The following GULP1 variants were observed in gnomAD, a reference collection of about 807,000 sequenced individuals.
GULP1 encodes the protein PTB domain-containing engulfment adapter protein 1.
A neutral mutation model predicts 40.9 loss-of-function variants in GULP1; 19 were observed. The ratio of observed to expected loss-of-function variants is 0.46; its 90% confidence interval spans 0.32 to 0.68. The LOEUF is 0.68. Ranked by LOEUF, GULP1 falls within the 30% of genes least tolerant of loss-of-function variation. The probability of loss-of-function intolerance (pLI) is 0.03; values close to 1 mark genes in which losing one functional copy is unlikely to be tolerated. For missense variants in GULP1, 312 were observed against 362.2 expected, an observed-to-expected ratio of 0.86 and a Z score of 1.12; for synonymous variants, 119 against 117.6, an observed-to-expected ratio of 1.01 and a Z score of -0.08.
chr2:188,394,207 C>T (rs1559188014), intron 2 of GULP1, among the ~76,000 whole-genome samples: 1 of 152,174 alleles, frequency 6.6e-6, no homozygotes, highest in South Asian at 2.1e-4. Flanking sequence ...TTCTTACAGA[C>T]ATTATTCATT....
At chr2:188,379,817 C>T (rs1319204800) in intron 1 of GULP1, among the ~76,000 whole-genome samples, 1 of 152,106 alleles carries the variant, frequency 6.6e-6, no homozygotes, top group Non-Finnish European at 1.5e-5. Context: ...TTGAAGATGG[C>T]GTGTTCGTTC....
intron 2 of GULP1, among the ~76,000 whole-genome samples, chr2:188,419,461 A>G (rs934365031): frequency 6.6e-6 from 1 of 151,986 alleles, no homozygotes; most frequent in Admixed American, 6.6e-5. Flanking sequence ...AGTGATGCTG[A>G]GAACCTTTTC....
At chr2:188,588,649 A>T (rs1343907209) in intron 11 of GULP1, 2 of 152,328 alleles carry the variant, frequency 1.3e-5, no homozygotes, top group African/African-American at 2.4e-5. Flanking sequence ...TTCATCAAAA[A>T]GTTTATATAT....
intron 2 of GULP1, among the ~76,000 whole-genome samples, chr2:188,390,283 T>C (rs868732658): frequency 2.6e-5 from 4 of 152,316 alleles, no homozygotes; most frequent in Middle Eastern, 3.4e-3. Flanking sequence ...CCAAATCTAT[T>C]ATTGTCTTTT....
Position 188,545,080 on chromosome 2 carries a change from A to G in GULP1, c.399+3762A>G, listed in dbSNP as rs188013103. Among the ~76,000 whole-genome samples the G allele has an allele frequency of 2.7e-4, 41 of 152,170 alleles. No homozygotes were observed. In the East Asian group the frequency reaches 7.1e-3, roughly 27 times the overall value. ...GAAGGCAAGAAGGAAGTTGCATAAT[A>G]CTTTTTGAGTAATGGAAAAAACAAA... On this transcript the variant is annotated intron_variant, in intron 7 of 11. Coordinates refer to ENST00000409830, the MANE Select transcript of GULP1 (RefSeq NM_016315.4).
At chr2:188,537,502 G>A (rs1057125281) in intron 6 of GULP1, among the ~76,000 whole-genome samples, 22 of 152,136 alleles carry the variant, frequency 1.4e-4, no homozygotes, top group Non-Finnish European at 1.8e-4. Context: ...ATTCGCATAC[G>A]TTGAACAAAC....
intron 2 of GULP1, among the ~76,000 whole-genome samples, chr2:188,458,668 A>C (rs1575394490): frequency 6.6e-6 from 1 of 152,312 alleles, no homozygotes; most frequent in Non-Finnish European, 1.5e-5. Context: ...ATTTATTCTT[A>C]GTGTTAGAAA....
rs371577085 is a variant in GULP1 at position 188,557,389 on chromosome 2, G to A, written c.400-11850G>A. The stretch of plus-strand genomic sequence containing the variant: ...CTGGGTAAACATTCCCATTCCAAAA[G>A]GGAGAAATTGGCCAAAAGAAAGGAG... On this transcript the variant is annotated intron_variant, in intron 7 of 11. Transcript: ENST00000409830. 2.6e-4 allele frequency among the ~76,000 whole-genome samples: 40 copies of A among 152,280 alleles called. 1 individual carries two copies. Among genetic ancestry groups the A allele is most frequent in the African/African-American group, 9.4e-4 (39 of 41,558 alleles).
chr2:188,437,760 A>T (rs2057545704), intron 2 of GULP1, among the ~76,000 whole-genome samples: 1 of 152,130 alleles, frequency 6.6e-6, no homozygotes, highest in Non-Finnish European at 1.5e-5. Flanking sequence ...AAGGAAGATC[A>T]TGTCTTTTGG....
intron 7 of GULP1, among the ~76,000 whole-genome samples, chr2:188,561,686 C>T (rs1242382633): frequency 6.6e-6 from 1 of 152,156 alleles, no homozygotes; most frequent in Non-Finnish European, 1.5e-5. Context: ...TGGCAGAATG[C>T]ATGAGTGAGG....
intron 1 of GULP1, chr2:188,293,251 A>G (rs368033880): frequency 6.6e-6 from 1 of 152,094 alleles, no homozygotes; most frequent in African/African-American, 2.4e-5. Context: ...AGCTCGCCTT[A>G]CTCATTTGCA....
At chr2:188,501,953 G>A (rs1188004463) in intron 4 of GULP1, among the ~76,000 whole-genome samples, 3 of 151,732 alleles carry the variant, frequency 2.0e-5, no homozygotes, top group South Asian at 2.1e-4. Flanking sequence ...AACACTTTTT[G>A]TGTTTTTACC....
rs753583830 is a variant in GULP1 at position 188,587,885 on chromosome 2, A to G, written c.779A>G (p.Asp260Gly). 1 of 1,609,842 alleles carries G rather than the reference A, an allele frequency of 6.2e-7. No individual in the cohort carries two copies. The highest frequency in any genetic ancestry group is 1.1e-5 in the South Asian group (1 of 90,980). Reference protein sequence around the residue: ...KRDLFGAEPFDPFNCGAADFP... With the variant: ...KRDLFGAEPFGPFNCGAADFP... ...GACCTGTTTGGAGCAGAACCTTTTGACCCATTTAACTGTGGAGCAGCAGAT... is the reference window on the plus strand; with the variant it reads ...GACCTGTTTGGAGCAGAACCTTTTGGCCCATTTAACTGTGGAGCAGCAGAT... Residue 260 changes from aspartate to glycine, a missense_variant, in exon 11 of 12, where the codon GAC becomes GGC. Asp to Gly is a moderately conservative substitution (Grantham distance 94, BLOSUM62 -1). Transcript: ENST00000409830.
chr2:188,425,316 C>T (rs1031630154), intron 2 of GULP1, among the ~76,000 whole-genome samples: 1 of 152,046 alleles, frequency 6.6e-6, no homozygotes, highest in African/African-American at 2.4e-5. Context: ...ACATACTTGA[C>T]ATATTTCAAC....
intron 6 of GULP1, among the ~76,000 whole-genome samples, chr2:188,529,928 G>T (rs970033144): frequency 6.6e-6 from 1 of 152,180 alleles, no homozygotes; most frequent in Non-Finnish European, 1.5e-5. Flanking sequence ...AATGATTCAT[G>T]AATCAGGCAG....
At chr2:188,581,512 C>G (rs1701325085) in intron 9 of GULP1, among the ~76,000 whole-genome samples, 2 of 152,172 alleles carry the variant, frequency 1.3e-5, no homozygotes, top group African/African-American at 4.8e-5. Context: ...ACTGTGACAT[C>G]TGGCAGCTCA....
chr2:188,310,231 ACACTTTG>A lies in GULP1; in HGVS notation c.-172+18071_-172+18077del. 5.3e-5 allele frequency among the ~76,000 whole-genome samples: 8 copies of A among 152,362 alleles called. 1 individual carries two copies. Among genetic ancestry groups the A allele is most frequent in the Admixed American group, 5.2e-4 (8 of 15,310 alleles). On this transcript the variant is annotated intron_variant, in intron 1 of 11. Transcript: ENST00000409830. ...GGGAAAAAGAGGAAAGGAACATGAT[ACACTTTG>A]CACTTATAAAACCTCACAGCTTTGA...
chr2:188,503,986 A>G (rs2063679604), intron 4 of GULP1, among the ~76,000 whole-genome samples: 1 of 151,890 alleles, frequency 6.6e-6, no homozygotes, highest in Non-Finnish European at 1.5e-5. Flanking sequence ...AGCCTTGACA[A>G]TCCTTTTTAA....
intron 1 of GULP1, among the ~76,000 whole-genome samples, chr2:188,371,763 A>G (rs2047632564): frequency 6.6e-6 from 1 of 152,124 alleles, no homozygotes. Context: ...TAATTTATTT[A>G]CTTGTCTGTC....
Sources: allele counts gnomAD v4.1 joint callset (sites outside exome capture counted in the v4.1 genomes callset), GRCh38; gene constraint gnomAD v4.1.1; transcripts MANE v1.5; gene names NCBI Gene and HGNC (gene_info 2026-07-23, HGNC 2026-07-21).